The following STPG2 variants were observed in gnomAD, a reference collection of about 807,000 sequenced individuals.
The protein encoded by STPG2 is sperm tail PG-rich repeat containing 2, also known as sperm-tail PG-rich repeat-containing protein 2.
Under a neutral mutation model 54.2 loss-of-function variants are expected in STPG2, and 56 were observed. The ratio of observed to expected loss-of-function variants is 1.03; its 90% CI spans 0.83 to 1.29. STPG2 has a LOEUF of 1.29. Ranked by LOEUF, STPG2 falls within the 50% of genes most tolerant of loss-of-function variation. The probability of loss-of-function intolerance (pLI) is 0.00; values close to 1 mark genes in which losing one functional copy is unlikely to be tolerated. For synonymous variants in STPG2, 200 were observed against 181.8 expected, an observed-to-expected ratio of 1.10 and a Z score of -0.81; for missense variants, 596 against 544.9, an observed-to-expected ratio of 1.09 and a Z score of -0.93.
intron 9 of STPG2, among the ~76,000 whole-genome samples, chr4:97,732,422 C>G (rs963679640): frequency 6.6e-6 from 1 of 152,164 alleles, no homozygotes; most frequent in East Asian, 1.9e-4. Context: ...GTTTTCCCAG[C>G]ACACCATTTA....
At chr4:97,602,252 T>A (rs1008962592) in intron 10 of STPG2, among the ~76,000 whole-genome samples, 1 of 151,826 alleles carries the variant, frequency 6.6e-6, no homozygotes, top group Non-Finnish European at 1.5e-5. Flanking sequence ...ATGTTTCCCA[T>A]ATTTCACCAA....
intron 8 of STPG2, among the ~76,000 whole-genome samples, chr4:97,914,620 T>G (rs1560587097): frequency 6.6e-6 from 1 of 152,128 alleles, no homozygotes. Context: ...CAACCACCAT[T>G]CTACAAGTTG....
chr4:97,481,203 C>T (rs546617195), intron 4 of STPG2, among the ~76,000 whole-genome samples: 2 of 151,512 alleles, frequency 1.3e-5, no homozygotes, highest in Admixed American at 1.3e-4. Flanking sequence ...ATTAACAGAC[C>T]ATCTACAATA....
intron 9 of STPG2, among the ~76,000 whole-genome samples, chr4:97,826,295 G>A (rs181985463): frequency 3.3e-5 from 5 of 152,278 alleles, no homozygotes; most frequent in East Asian, 1.9e-4. Flanking sequence ...ACATGGGAAT[G>A]TGAATTTCTT....
chr4:97,639,743 T>C (rs916995619), intron 10 of STPG2, among the ~76,000 whole-genome samples: 5 of 152,162 alleles, frequency 3.3e-5, no homozygotes, highest in Admixed American at 6.5e-5. Context: ...AACATGCGTT[T>C]AGTGATTATA....
chr4:97,939,587 G>A (rs1386750670), intron 8 of STPG2, among the ~76,000 whole-genome samples: 1 of 152,100 alleles, frequency 6.6e-6, no homozygotes, highest in Non-Finnish European at 1.5e-5. Context: ...CTTTGCTGGT[G>A]TGAAATCTGT....
Position 97,637,513 on chromosome 4 carries a change from A to T in STPG2, c.1320+75186T>A, listed in dbSNP as rs1289357798. On this transcript the variant is annotated intron_variant, in intron 10 of 10. Transcript: ENST00000295268. ...GCCAGGGCAATTAGGCAGGAGAAGGAAATAAAGGGTATTCAATTAGGAAAA... is the reference window on the plus strand; with the variant it reads ...GCCAGGGCAATTAGGCAGGAGAAGGTAATAAAGGGTATTCAATTAGGAAAA... Among the ~76,000 whole-genome samples the T allele has an allele frequency of 2.0e-5, 3 of 152,290 alleles. No homozygotes were observed. The South Asian group carries it at 6.2e-4, about 32-fold the overall frequency.
intron 4 of STPG2, among the ~76,000 whole-genome samples, chr4:97,454,288 T>C (rs1024979011): frequency 6.7e-6 from 1 of 148,734 alleles, no homozygotes; most frequent in South Asian, 2.1e-4. Context: ...CCGAGGCGGG[T>C]GGATCATGAG....
intron 4 of STPG2, among the ~76,000 whole-genome samples, chr4:97,518,567 T>G (rs17026749): frequency 0.06 from 9,072 of 152,168 alleles, 404 homozygotes; most frequent in Admixed American, 0.14. Flanking sequence ...TAATTTCATC[T>G]TTGGTGGGAA....
At chr4:97,977,993 GA>G (rs1478422848) in intron 6 of STPG2, among the ~76,000 whole-genome samples, 1 of 152,130 alleles carries the variant, frequency 6.6e-6, no homozygotes, top group East Asian at 1.9e-4. Context: ...AGGTAATGAA[GA>G]AAATACCTAA....
intron 8 of STPG2, among the ~76,000 whole-genome samples, chr4:97,937,480 C>T (rs149295475): frequency 2.1e-3 from 313 of 152,198 alleles, no homozygotes; most frequent in African/African-American, 7.3e-3. Context: ...TGAATTTTTG[C>T]GGTTTTTTGT....
chr4:97,472,456 T>C (rs1483241817), intron 4 of STPG2, among the ~76,000 whole-genome samples: 3 of 152,200 alleles, frequency 2.0e-5, no homozygotes, highest in Non-Finnish European at 4.4e-5. Flanking sequence ...TTGCAACATG[T>C]GAGAGTATTC....
At chr4:97,819,572 G>A (rs1461950292) in intron 9 of STPG2, among the ~76,000 whole-genome samples, 2 of 151,936 alleles carry the variant, frequency 1.3e-5, no homozygotes, top group Non-Finnish European at 2.9e-5. Context: ...TACAAATGTT[G>A]TCTTATATGC....
chr4:97,956,381 G>A (rs960843799), intron 7 of STPG2, among the ~76,000 whole-genome samples: 3 of 152,032 alleles, frequency 2.0e-5, no homozygotes, highest in African/African-American at 7.2e-5. Context: ...CACAGAAAGA[G>A]ATAAGAAAAA....
intron 3 of STPG2, among the ~76,000 whole-genome samples, chr4:98,118,066 GGTTTGT>G (rs1739572954): frequency 3.9e-5 from 6 of 151,940 alleles, no homozygotes; most frequent in African/African-American, 1.2e-4. Flanking sequence ...CTACCCTGAG[GGTTTGT>G]TTAGTGATTT....
chr4:98,139,223 C>T (rs1178424528), intron 1 of STPG2, among the ~76,000 whole-genome samples: 1 of 151,986 alleles, frequency 6.6e-6, no homozygotes, highest in African/African-American at 2.4e-5. Flanking sequence ...CCTACAGCCA[C>T]GGAAATCGAG....
chr4:98,014,385 C>T (rs927579458), intron 5 of STPG2, among the ~76,000 whole-genome samples: 1 of 152,108 alleles, frequency 6.6e-6, no homozygotes, highest in African/African-American at 2.4e-5. Context: ...TGCGGCAACA[C>T]ACTGCTCTTC....
intron 10 of STPG2, among the ~76,000 whole-genome samples, chr4:97,610,808 T>C (rs541257265): frequency 2.6e-5 from 4 of 151,720 alleles, no homozygotes; most frequent in Admixed American, 2.0e-4. Context: ...CATTAAACAG[T>C]AGGAACAAAA....
chr4:97,927,847 T>A (rs550523320), intron 8 of STPG2, among the ~76,000 whole-genome samples: 2 of 152,250 alleles, frequency 1.3e-5, no homozygotes, highest in South Asian at 2.1e-4. Flanking sequence ...GTGCCTGGCA[T>A]GGAATAAGTA....
Sources: gnomAD v4.1 joint callset for allele counts (sites outside exome capture counted in the v4.1 genomes callset) on GRCh38, gnomAD v4.1.1 for gene constraint, MANE v1.5 for transcripts, NCBI Gene and HGNC (gene_info 2026-07-23, HGNC 2026-07-21) for gene names.